AKT3: variants seen among roughly 807,000 people sequenced by gnomAD.
The protein encoded by AKT3 is AKT serine/threonine kinase 3.
In AKT3, 15 loss-of-function variants were observed where a neutral mutation model predicts 65.3. That is an observed-to-expected ratio of 0.23 (90% CI 0.15 to 0.35). The LOEUF (loss-of-function observed/expected upper bound fraction) is 0.35, where lower values mean the gene tolerates loss of function less well. Ranked by LOEUF, AKT3 falls within the 10% of genes least tolerant of loss-of-function variation. AKT3 has a pLI of 1.00. For missense variants in AKT3, 243 were observed against 576.5 expected (o/e 0.42, Z 5.92); for synonymous variants, 206 against 183.8 (o/e 1.12, Z -0.98).
intron 2 of AKT3, among the ~76,000 whole-genome samples, chr1:243,778,530 G>C (rs757827648): frequency 3.6e-4 from 55 of 152,208 alleles, no homozygotes; most frequent in Admixed American, 3.4e-3. Context: ...GGAAGTTGCA[G>C]AGTATCATCC....
At chr1:243,837,727 T>C (rs931585107) in intron 2 of AKT3, among the ~76,000 whole-genome samples, 7 of 152,030 alleles carry the variant, frequency 4.6e-5, no homozygotes, top group African/African-American at 1.2e-4. Flanking sequence ...CTAGGAATAG[T>C]AGGGAATTTT....
At chr1:243,848,353 C>T (rs566550553) in intron 1 of AKT3, among the ~76,000 whole-genome samples, 7 of 152,076 alleles carry the variant, frequency 4.6e-5, no homozygotes, top group African/African-American at 1.7e-4. Context: ...AGTCATAAAC[C>T]TTGGAAAACT....
intron 13 of AKT3, among the ~76,000 whole-genome samples, chr1:243,508,230 C>T (rs1669792457): frequency 6.6e-6 from 1 of 152,152 alleles, no homozygotes; most frequent in African/African-American, 2.4e-5. Flanking sequence ...AGGATGTATC[C>T]AGGAACTGTC....
At chr1:243,602,468 TATGA>T (rs762364890) in intron 8 of AKT3, among the ~76,000 whole-genome samples, 46 of 152,142 alleles carry the variant, frequency 3.0e-4, no homozygotes, top group Non-Finnish European at 5.4e-4. Context: ...AAATCATCAC[TATGA>T]ATATGAAATG....
At chr1:243,764,724 A>C (rs1265781644) in intron 2 of AKT3, among the ~76,000 whole-genome samples, 5 of 152,168 alleles carry the variant, frequency 3.3e-5, no homozygotes, top group African/African-American at 1.2e-4. Context: ...CTCAGTCATT[A>C]GAAAGGTGCC....
At chr1:243,671,268 C>T (rs539420587) in intron 3 of AKT3, among the ~76,000 whole-genome samples, 8 of 151,992 alleles carry the variant, frequency 5.3e-5, no homozygotes, top group African/African-American at 1.4e-4. Flanking sequence ...TTAGTAGAGA[C>T]GGGGTTTCAC....
chr1:243,667,725 A>G (rs1398882273), intron 3 of AKT3, among the ~76,000 whole-genome samples: 3 of 152,176 alleles, frequency 2.0e-5, no homozygotes, highest in Admixed American at 2.0e-4. Flanking sequence ...CTAAGAATAG[A>G]TGAGTAAGGC....
intron 3 of AKT3, among the ~76,000 whole-genome samples, chr1:243,688,613 G>C (rs762528628): frequency 6.6e-6 from 1 of 152,170 alleles, no homozygotes; most frequent in African/African-American, 2.4e-5. Flanking sequence ...TAGGATGGTA[G>C]CAGTAAGACT....
intron 4 of AKT3, among the ~76,000 whole-genome samples, chr1:243,658,923 T>C (rs1682040710): frequency 6.7e-6 from 1 of 149,836 alleles, no homozygotes; most frequent in Non-Finnish European, 1.5e-5. Flanking sequence ...TCCCAGCTAC[T>C]GGGGAGGCTA....
chr1:243,780,370 G>A (rs1179980363), intron 2 of AKT3, among the ~76,000 whole-genome samples: 2 of 151,812 alleles, frequency 1.3e-5, no homozygotes, highest in Non-Finnish European at 2.9e-5. Flanking sequence ...GCAATTATTG[G>A]CAATATCTGC....
At chr1:243,509,503 G>C (rs1418712135) in intron 13 of AKT3, among the ~76,000 whole-genome samples, 1 of 152,144 alleles carries the variant, frequency 6.6e-6, no homozygotes, top group Non-Finnish European at 1.5e-5. Flanking sequence ...ACTAGCCTAA[G>C]AGTCATATAC....
chr1:243,761,170 G>A (rs1689467866), intron 2 of AKT3, among the ~76,000 whole-genome samples: 1 of 152,120 alleles, frequency 6.6e-6, no homozygotes, highest in Non-Finnish European at 1.5e-5. Flanking sequence ...GACACAGAGT[G>A]TAAATGAAAC....
intron 12 of AKT3, among the ~76,000 whole-genome samples, chr1:243,515,263 G>A (rs143220077): frequency 3.6e-4 from 55 of 152,096 alleles, no homozygotes; most frequent in African/African-American, 9.6e-4. Flanking sequence ...TTATGTCCAC[G>A]TCTTTGTGTA....
At chr1:243,786,623 T>C (rs1356249734) in intron 2 of AKT3, among the ~76,000 whole-genome samples, 1 of 152,030 alleles carries the variant, frequency 6.6e-6, no homozygotes, top group African/African-American at 2.4e-5. Flanking sequence ...CAAATAAGTA[T>C]GTAATAAGCA....
intron 3 of AKT3, among the ~76,000 whole-genome samples, chr1:243,678,395 CA>C (rs1683679359): frequency 6.6e-6 from 1 of 152,150 alleles, no homozygotes; most frequent in Non-Finnish European, 1.5e-5. Context: ...GTAAAAGAAT[CA>C]GCTCCTTCAC....
At chr1:243,655,988 A>G (rs1681755786) in intron 4 of AKT3, among the ~76,000 whole-genome samples, 4 of 151,926 alleles carry the variant, frequency 2.6e-5, no homozygotes, top group Non-Finnish European at 5.9e-5. Flanking sequence ...AAACAAACAA[A>G]AGTCTTTTCC....
chr1:243,820,017 C>T (rs1417186413), intron 2 of AKT3, among the ~76,000 whole-genome samples: 1 of 152,218 alleles, frequency 6.6e-6, no homozygotes, highest in African/African-American at 2.4e-5. Flanking sequence ...CTCCCAGGTT[C>T]GAGCAATTCT....
chr1:243,659,335 A>G (rs1209320817), intron 4 of AKT3, among the ~76,000 whole-genome samples: 1 of 152,208 alleles, frequency 6.6e-6, no homozygotes, highest in Admixed American at 6.5e-5. Flanking sequence ...CGTTCTAGAG[A>G]TCTGCTGTAC....
At chr1:243,800,723 A>C (rs534662598) in intron 2 of AKT3, among the ~76,000 whole-genome samples, 1 of 152,134 alleles carries the variant, frequency 6.6e-6, no homozygotes, top group Admixed American at 6.5e-5. Flanking sequence ...TCTCGAGGAA[A>C]AAAAAAAAAG....
Sources: allele counts gnomAD v4.1 joint callset (sites outside exome capture counted in the v4.1 genomes callset), GRCh38; gene constraint gnomAD v4.1.1; transcripts MANE v1.5; gene names NCBI Gene and HGNC (gene_info 2026-07-23, HGNC 2026-07-21).